ZNF714: variants seen among roughly 807,000 people sequenced by gnomAD.
ZNF714 encodes the protein zinc finger protein 714.
In ZNF714, 32 loss-of-function variants were observed where a neutral mutation model predicts 46.2. The ratio of observed to expected loss-of-function variants is 0.69; its 90% CI spans 0.52 to 0.93. ZNF714 has a LOEUF of 0.93. Ranked by LOEUF, ZNF714 falls within the 40% of genes least tolerant of loss-of-function variation. ZNF714 has a pLI of 0.00. For synonymous variants in ZNF714, 199 were observed against 213.1 expected (o/e 0.93, Z 0.58); for missense variants, 635 against 646.3 (o/e 0.98, Z 0.19).
chr19:21,108,576 C>T (rs1969375481), intron 4 of ZNF714, among the ~76,000 whole-genome samples: 1 of 152,194 alleles, frequency 6.6e-6, no homozygotes, highest in African/African-American at 2.4e-5. Context: ...CGCTTGCCGT[C>T]TCTTACCATG....
chr19:21,116,526 G>A (rs1323786263), intron 4 of ZNF714, among the ~76,000 whole-genome samples: 1 of 152,052 alleles, frequency 6.6e-6, no homozygotes, highest in Non-Finnish European at 1.5e-5. Context: ...AACTGTGTTG[G>A]GCAAAGGTAA....
chr19:21,094,741 GCT>G (rs369865429), intron 2 of ZNF714, among the ~76,000 whole-genome samples: 55 of 152,186 alleles, frequency 3.6e-4, no homozygotes, highest in African/African-American at 1.3e-3. Context: ...TGGCCAGGCT[GCT>G]CTCAAACTCA....
chr19:21,112,552 G>C (rs980455614), intron 4 of ZNF714, among the ~76,000 whole-genome samples: 1 of 140,866 alleles, frequency 7.1e-6, no homozygotes, highest in African/African-American at 2.7e-5. Context: ...TTTTTTGAAT[G>C]GTTTTTTTGT....
chr19:21,110,256 C>G (rs531792079), intron 4 of ZNF714, among the ~76,000 whole-genome samples: 2 of 152,314 alleles, frequency 1.3e-5, no homozygotes, highest in South Asian at 4.1e-4. Flanking sequence ...TCACCAACAT[C>G]TGTTGTTTCT....
chr19:21,103,317 C>T (rs1237010018), intron 4 of ZNF714, among the ~76,000 whole-genome samples: 2 of 152,092 alleles, frequency 1.3e-5, no homozygotes, highest in African/African-American at 2.4e-5. Flanking sequence ...ACTTTGGAGG[C>T]TGAGGCAGGC....
intron 1 of ZNF714, among the ~76,000 whole-genome samples, chr19:21,083,255 G>GA (rs1968699926): frequency 6.6e-6 from 1 of 152,072 alleles, no homozygotes; most frequent in South Asian, 2.1e-4. Context: ...GGCTGGTCTC[G>GA]AACTCCCGAC....
In ZNF714 at chr19:21,117,297, G is replaced by GTGTCTT; in HGVS notation, c.633_634insTGTCTT (p.Lys211_His212insCysLeu). On this transcript the variant is annotated inframe_insertion, in exon 5 of 5. Coordinates refer to ENST00000456283, the MANE Select transcript of ZNF714 (RefSeq NM_182515.4). ...GTGAAGAATGTGGCAAAGCTTTTAA[G>GTGTCTT]CACTCCTCAACCCTTACTACACATA... is the stretch of plus-strand genomic sequence containing the variant. The GTGTCTT allele has an allele frequency of 6.2e-7, 1 of 1,607,188 alleles. No homozygotes were observed. Among genetic ancestry groups the GTGTCTT allele is most frequent in the Non-Finnish European group, 8.5e-7 (1 of 1,177,198 alleles).
At position 21,122,402 on chromosome 19, in the gene ZNF714, A is replaced by AG. The variant is rs1291051060; in HGVS notation, c.*4072dup. ...CTGGCCGAGGCAGATGGATCACCTG[A>AG]GGTTAGGAGTTTCAGACCAGCCTGG... On this transcript the variant is annotated 3_prime_UTR_variant, in exon 5 of 5. Transcript: ENST00000456283. The AG allele has an allele frequency of 6.6e-6, 1 of 152,132 alleles. No individual in the cohort carries two copies. Among genetic ancestry groups the AG allele is most frequent in the East Asian group, 1.9e-4 (1 of 5,182 alleles). The allele number at this position is 152,132 out of a possible 1,614,324, so 9.4% of individuals were successfully genotyped here.
In ZNF714 at chr19:21,098,878, T is replaced by C; in HGVS notation, c.110T>C (p.Met37Thr). Residue 37 changes from methionine to threonine, a missense_variant, in exon 4 of 5, where the codon ATG becomes ACG. Coordinates refer to ENST00000456283, the MANE Select transcript of ZNF714 (RefSeq NM_182515.4). Reference protein sequence around the residue: ...SLEQEKEPWNMKICEMVDESP... With the variant: ...SLEQEKEPWNTKICEMVDESP... ...GAGCAAGAAAAAGAGCCCTGGAATATGAAGATATGTGAGATGGTGGATGAA... is the reference window on the plus strand; with the variant it reads ...GAGCAAGAAAAAGAGCCCTGGAATACGAAGATATGTGAGATGGTGGATGAA... 2 of 1,610,232 alleles carry C rather than the reference T, an allele frequency of 1.2e-6. No homozygotes were observed. Among genetic ancestry groups the C allele is most frequent in the Non-Finnish European group, 1.7e-6 (2 of 1,178,544 alleles).
Position 21,116,807 on chromosome 19 carries a change from C to T in ZNF714, c.143C>T (p.Ala48Val). 6.3e-7 allele frequency: 1 copy of T among 1,581,928 alleles called. No homozygotes were observed. Residue 48 changes from alanine to valine, a missense_variant and splice_region_variant, in exon 5 of 5, where the codon GCT (alanine) becomes GTT (valine). Coordinates refer to ENST00000456283, the MANE Select transcript of ZNF714 (RefSeq NM_182515.4). ...KICEMVDESP[A>V]MCSSFTRDLW... ...AATTTGTTGTTTGTATTTCTTTCAG[C>T]TATGTGTTCTTCTTTTACCAGAGAC...
chr19:21,107,209 CA>C (rs1214906654), intron 4 of ZNF714, among the ~76,000 whole-genome samples: 1 of 151,124 alleles, frequency 6.6e-6, no homozygotes, highest in African/African-American at 2.4e-5. Flanking sequence ...GTTATAGTTC[CA>C]AATCAAATTT....
intron 4 of ZNF714, among the ~76,000 whole-genome samples, chr19:21,105,127 T>G (rs1422065901): frequency 1.3e-5 from 2 of 149,000 alleles, no homozygotes; most frequent in African/African-American, 4.9e-5. Flanking sequence ...TGGGTTTAAG[T>G]GATTCTCCTG....
In ZNF714 at chr19:21,082,223, C is replaced by T. The variant is rs1369623908; in HGVS notation, c.-302C>T. 4.9e-6 allele frequency: 5 copies of T among 1,015,166 alleles called. No homozygotes were observed. The highest frequency in any genetic ancestry group is 7.1e-6 in the Non-Finnish European group (5 of 703,304). The allele number at this position is 1,015,166 out of a possible 1,614,324, so 62.9% of individuals were successfully genotyped here. A position where few individuals can be genotyped will look rare whatever the true frequency, so the allele number is the denominator to read the frequency against. ...CCTTTGTCTCTCGCTGCAGCTGGAGCTGCAGGTCTCGCCTTCACTGCCCTG... is the reference window on the plus strand; with the variant it reads ...CCTTTGTCTCTCGCTGCAGCTGGAGTTGCAGGTCTCGCCTTCACTGCCCTG... On this transcript the variant is annotated 5_prime_UTR_variant, in exon 1 of 5. Coordinates refer to ENST00000456283, the MANE Select transcript of ZNF714 (RefSeq NM_182515.4).
intron 1 of ZNF714, among the ~76,000 whole-genome samples, chr19:21,083,181 C>T (rs1233516035): frequency 1.3e-5 from 2 of 152,116 alleles, no homozygotes; most frequent in African/African-American, 4.8e-5. Context: ...GGATTACAGG[C>T]ATGCGCCACC....
At position 21,124,061 on chromosome 19, in the gene ZNF714, C is replaced by G. The variant is rs1408060529; in HGVS notation, c.*5729C>G. Reference sequence around the variant, plus strand: ...TTAGTGGCTTTCATACCATTACCACCAGTACCAGAAACTCCAGGTGGCCCA... The same window carrying G: ...TTAGTGGCTTTCATACCATTACCACGAGTACCAGAAACTCCAGGTGGCCCA... On this transcript the variant is annotated 3_prime_UTR_variant, in exon 5 of 5. Transcript: ENST00000456283. 1 of 152,190 alleles carries G rather than the reference C, an allele frequency of 6.6e-6. No homozygotes were observed. The highest frequency in any genetic ancestry group is 2.4e-5 in the African/African-American group (1 of 41,438). 9.4% of individuals were successfully genotyped at this position (152,190 alleles called of 1,614,324 possible).
chr19:21,098,814 G>A lies in ZNF714; in HGVS notation c.46G>A (p.Gly16Ser). Residue 16 changes from glycine (G) to serine (S), a missense_variant and splice_region_variant, in exon 4 of 5, where the codon GGT becomes AGT. Coordinates refer to ENST00000456283, the MANE Select transcript of ZNF714 (RefSeq NM_182515.4). The part of the protein sequence containing the change: ...ENYKNLVFLA[G>S]IAVSKQDPIT... Reference sequence around the variant, plus strand: ...TATGCTATTTACTTTTAATAAAGCAGGTATTGCTGTCTCTAAGCAAGACCC... The same window carrying A: ...TATGCTATTTACTTTTAATAAAGCAAGTATTGCTGTCTCTAAGCAAGACCC... 2 of 1,605,314 alleles carry A rather than the reference G, an allele frequency of 1.2e-6. No individual in the cohort carries two copies. Among genetic ancestry groups the A allele is most frequent in the Non-Finnish European group, 8.5e-7 (1 of 1,175,318 alleles).
rs1969766061 is a variant in ZNF714 at position 21,124,738 on chromosome 19, G to T, written c.*6406G>T. ...GACTATAATTACTTATTATTTGACA[G>T]ACTTTCCAAACCCCCATTTCTTCTA... On this transcript the variant is annotated 3_prime_UTR_variant, in exon 5 of 5. Transcript: ENST00000456283. Among the ~76,000 whole-genome samples the T allele has an allele frequency of 6.6e-6, 1 of 151,830 alleles. No homozygotes were observed. Among genetic ancestry groups the T allele is most frequent in the African/African-American group, 2.4e-5 (1 of 41,332 alleles).
intron 4 of ZNF714, among the ~76,000 whole-genome samples, chr19:21,112,845 C>A (rs1466153423): frequency 6.5e-5 from 1 of 15,348 alleles, no homozygotes; most frequent in South Asian, 2.0e-3. Flanking sequence ...TTTTTTGAGA[C>A]GGAGTCTCGC....
chr19:21,112,170 T>C (rs1969462271), intron 4 of ZNF714, among the ~76,000 whole-genome samples: 2 of 152,126 alleles, frequency 1.3e-5, no homozygotes, highest in African/African-American at 4.8e-5. Context: ...GAAATAGTAC[T>C]CTTTGTACCT....
Sources: allele counts gnomAD v4.1 joint callset (sites outside exome capture counted in the v4.1 genomes callset), GRCh38; gene constraint gnomAD v4.1.1; transcripts MANE v1.5; gene names NCBI Gene and HGNC (gene_info 2026-07-23, HGNC 2026-07-21).